Variants in MYO16 observed in about 807,000 individuals in gnomAD.
The protein encoded by MYO16 is myosin XVI, also known as unconventional myosin-XVI.
A neutral mutation model predicts 205.3 loss-of-function variants in MYO16; 94 were observed. The ratio of observed to expected loss-of-function variants is 0.46; its 90% CI spans 0.39 to 0.54. The LOEUF (loss-of-function observed/expected upper bound fraction) is 0.54. MYO16 is among the 20% of genes least tolerant of loss of function. The pLI is 0.00. For missense variants in MYO16, 2,315 were observed against 2,387.5 expected (o/e 0.97, Z 0.63); for synonymous variants, 988 against 954.0 (o/e 1.04, Z -0.66).
intron 1 of MYO16, among the ~76,000 whole-genome samples, chr13:108,599,458 G>T (rs1878683419): frequency 6.6e-6 from 1 of 152,036 alleles, no homozygotes; most frequent in Admixed American, 6.6e-5. Flanking sequence ...CGTCCCACTT[G>T]TGGTATTCTT....
intron 5 of MYO16, among the ~76,000 whole-genome samples, chr13:108,789,882 A>G (rs1005166236): frequency 1.3e-5 from 2 of 152,204 alleles, no homozygotes; most frequent in Non-Finnish European, 2.9e-5. Context: ...ATGGCATATG[A>G]TAATGAATAA....
chr13:108,672,333 G>A (rs993652793), intron 2 of MYO16, among the ~76,000 whole-genome samples: 7 of 152,022 alleles, frequency 4.6e-5, no homozygotes, highest in Non-Finnish European at 1.0e-4. Context: ...ATTGCCATAA[G>A]AAAAAAGTTT....
intron 29 of MYO16, among the ~76,000 whole-genome samples, chr13:109,123,704 C>CT (rs924861103): frequency 1.3e-5 from 2 of 152,182 alleles, no homozygotes; most frequent in Non-Finnish European, 2.9e-5. Flanking sequence ...GAAAAAAACG[C>CT]TTTCAGCATT....
intron 16 of MYO16, among the ~76,000 whole-genome samples, chr13:108,940,747 C>T (rs867732119): frequency 2.6e-4 from 39 of 151,908 alleles, no homozygotes; most frequent in East Asian, 3.9e-4. Context: ...AGCTGCACTG[C>T]CACAATCAAC....
At chr13:108,961,706 G>C (rs765674412) in intron 18 of MYO16, 50 bp downstream of exon 18, 1 of 1,428,938 alleles carries the variant, frequency 7.0e-7, no homozygotes, top group Non-Finnish European at 9.9e-7. Flanking sequence ...GTGCAATTTT[G>C]TAGATCTACC....
intron 6 of MYO16, among the ~76,000 whole-genome samples, chr13:108,804,647 C>G (rs1887060879): frequency 6.6e-6 from 1 of 152,144 alleles, no homozygotes; most frequent in Non-Finnish European, 1.5e-5. Flanking sequence ...ATGCTCTTAA[C>G]TCCTGCTATT....
chr13:108,609,738 G>T (rs9788360), intron 1 of MYO16, among the ~76,000 whole-genome samples: 1 of 151,982 alleles, frequency 6.6e-6, no homozygotes, highest in Non-Finnish European at 1.5e-5. Context: ...AACTGAATCC[G>T]ACACTAATCC....
the MYO16 span, among the ~76,000 whole-genome samples, chr13:108,510,475 T>TTTG: frequency 7.5e-5 from 10 of 132,472 alleles, no homozygotes; most frequent in South Asian, 1.5e-3. Flanking sequence ...TTTTTTTTTT[T>TTTG]TTTTTTTTTT....
chr13:109,180,986 A>G (rs969491393), intron 34 of MYO16, among the ~76,000 whole-genome samples: 2 of 152,126 alleles, frequency 1.3e-5, no homozygotes, highest in African/African-American at 4.8e-5. Flanking sequence ...CCCCCTGTAC[A>G]TTACAACACA....
At chr13:109,051,838 G>C (rs1020736964) in intron 24 of MYO16, among the ~76,000 whole-genome samples, 1 of 152,168 alleles carries the variant, frequency 6.6e-6, no homozygotes, top group African/African-American at 2.4e-5. Context: ...GGTGCACCAA[G>C]TAAGGCAGGT....
chr13:108,626,247 T>A (rs1343975831), upstream of MYO16, among the ~76,000 whole-genome samples: 1 of 152,192 alleles, frequency 6.6e-6, no homozygotes, highest in African/African-American at 2.4e-5. Flanking sequence ...GGTTTCTTGA[T>A]TATTCAAAAA....
chr13:108,973,104 C>A (rs1406498165), intron 20 of MYO16, among the ~76,000 whole-genome samples: 1 of 151,984 alleles, frequency 6.6e-6, no homozygotes, highest in Non-Finnish European at 1.5e-5. Context: ...GTAGCAATGT[C>A]TTTCACCGAG....
intron 23 of MYO16, among the ~76,000 whole-genome samples, chr13:109,045,143 G>T (rs1887000229): frequency 6.6e-6 from 1 of 152,080 alleles, no homozygotes; most frequent in Admixed American, 6.5e-5. Context: ...CCATGGTTTT[G>T]CTGGGCACTG....
At chr13:108,580,419 C>G in the MYO16 span, among the ~76,000 whole-genome samples, 1 of 152,204 alleles carries the variant, frequency 6.6e-6, no homozygotes, top group Admixed American at 6.5e-5. Context: ...CTCCTACTAG[C>G]TGGACAGTTC....
intron 5 of MYO16, among the ~76,000 whole-genome samples, chr13:108,788,496 A>G (rs1252010486): frequency 6.6e-6 from 1 of 152,236 alleles, no homozygotes; most frequent in Non-Finnish European, 1.5e-5. Flanking sequence ...AAAGATCAGC[A>G]TAATGGATAC....
At chr13:108,840,090 A>T (rs1030689246) in intron 9 of MYO16, among the ~76,000 whole-genome samples, 2 of 152,192 alleles carry the variant, frequency 1.3e-5, no homozygotes, top group African/African-American at 4.8e-5. Context: ...GACATCAAAC[A>T]TGGTAGTTTT....
At chr13:108,607,464 G>A (rs1404340333) in intron 1 of MYO16, among the ~76,000 whole-genome samples, 1 of 152,006 alleles carries the variant, frequency 6.6e-6, no homozygotes, top group Non-Finnish European at 1.5e-5. Context: ...TTTTATAAGG[G>A]GCTTTTCCTG....
chr13:108,851,903 C>T (rs1435086363), intron 10 of MYO16, among the ~76,000 whole-genome samples: 3 of 152,070 alleles, frequency 2.0e-5, no homozygotes, highest in Non-Finnish European at 2.9e-5. Flanking sequence ...GCCCAGGAAG[C>T]TTTTCCAGCT....
chr13:108,653,861 G>A (rs1353422107), intron 1 of MYO16, among the ~76,000 whole-genome samples: 8 of 151,868 alleles, frequency 5.3e-5, no homozygotes, highest in African/African-American at 1.4e-4. Flanking sequence ...TGAAGAGTCA[G>A]GTGCACATTC....
Sources: gnomAD v4.1 joint callset for allele counts (sites outside exome capture counted in the v4.1 genomes callset) on GRCh38, gnomAD v4.1.1 for gene constraint, MANE v1.5 for transcripts, NCBI Gene and HGNC (gene_info 2026-07-23, HGNC 2026-07-21) for gene names.